ZBTB7C: variants seen among roughly 807,000 people sequenced by gnomAD.
ZBTB7C encodes the protein zinc finger and BTB domain containing 7C, also known as zinc finger and BTB domain-containing protein 7C.
Under a neutral mutation model 25.7 loss-of-function variants are expected in ZBTB7C, and 8 were observed. The ratio of observed to expected loss-of-function variants is 0.31; its 90% CI spans 0.18 to 0.56. ZBTB7C has a LOEUF of 0.56. Ranked by LOEUF, ZBTB7C falls within the 20% of genes least tolerant of loss-of-function variation. ZBTB7C has a pLI of 0.91. For missense variants in ZBTB7C, 824 were observed against 855.2 expected (o/e 0.96, Z 0.46); for synonymous variants, 394 against 369.0 (o/e 1.07, Z -0.78).
At chr18:48,196,529 A>G (rs1380508775) in intron 2 of ZBTB7C, among the ~76,000 whole-genome samples, 1 of 152,032 alleles carries the variant, frequency 6.6e-6, no homozygotes, top group African/African-American at 2.4e-5. Context: ...CTCTCAATCA[A>G]ACCACCCTCC....
At chr18:48,326,128 C>T (rs144394150) in intron 2 of ZBTB7C, among the ~76,000 whole-genome samples, 204 of 128,494 alleles carry the variant, frequency 1.6e-3, no homozygotes, top group African/African-American at 5.7e-3. Context: ...TGGAGTCTTG[C>T]TCTGTCACCA....
At chr18:48,270,664 T>C (rs1451910504) in intron 2 of ZBTB7C, among the ~76,000 whole-genome samples, 2 of 143,924 alleles carry the variant, frequency 1.4e-5, no homozygotes, top group African/African-American at 5.2e-5. Flanking sequence ...CACTCCAGCC[T>C]GGGCCACAGA....
chr18:48,163,751 G>GTGCT (rs1435577693), intron 3 of ZBTB7C, among the ~76,000 whole-genome samples: 2 of 152,228 alleles, frequency 1.3e-5, no homozygotes, highest in African/African-American at 4.8e-5. Flanking sequence ...AAAAAAACCA[G>GTGCT]TAAGCTAGTG....
At chr18:48,265,710 C>T (rs1317562470) in intron 2 of ZBTB7C, among the ~76,000 whole-genome samples, 1 of 152,174 alleles carries the variant, frequency 6.6e-6, no homozygotes, top group African/African-American at 2.4e-5. Flanking sequence ...ATCAGACAAA[C>T]CCTAAATGAG....
intron 2 of ZBTB7C, among the ~76,000 whole-genome samples, chr18:48,256,528 AT>A (rs1157514996): frequency 6.6e-6 from 1 of 151,692 alleles, no homozygotes; most frequent in Admixed American, 6.6e-5. Flanking sequence ...GTTAAAGGAC[AT>A]TCTTCAAGCA....
chr18:48,403,691 T>C (rs1212170259), intron 1 of ZBTB7C, among the ~76,000 whole-genome samples: 1 of 152,060 alleles, frequency 6.6e-6, no homozygotes, highest in Non-Finnish European at 1.5e-5. Flanking sequence ...GAATCAAGAT[T>C]ATATCCAATA....
Position 48,137,280 on chromosome 18 carries a change from G to A in ZBTB7C, c.-17+48654C>T, listed in dbSNP as rs545129549. The A allele has an allele frequency of 1.8e-5, 18 of 985,470 alleles. No individual in the cohort carries two copies. The African/African-American group carries it at 3.0e-4, about 16-fold the overall frequency. The allele number at this position is 985,470 out of a possible 1,614,324, so 61.0% of individuals were successfully genotyped here. ...AGGACAGGACGATCTCACCACTCGC[G>A]CGTTACGCTTCACTTTATGACACCA... On this transcript the variant is annotated intron_variant, in intron 3 of 4. Transcript: ENST00000590800.
intron 2 of ZBTB7C, among the ~76,000 whole-genome samples, chr18:48,311,222 C>A (rs900228245): frequency 1.3e-5 from 2 of 152,206 alleles, no homozygotes; most frequent in South Asian, 2.1e-4. Context: ...TTTCTCACCC[C>A]CTGCCTGCCC....
Position 48,028,870 on chromosome 18 carries a change from T to G in ZBTB7C, c.*390A>C. The G allele has an allele frequency of 4.4e-6, 1 of 225,020 alleles. No homozygotes were observed. Among genetic ancestry groups the G allele is most frequent in the South Asian group, 8.0e-5 (1 of 12,578 alleles). 13.9% of individuals were successfully genotyped at this position (225,020 alleles called of 1,614,324 possible). A position where few individuals can be genotyped will look rare whatever the true frequency, so the allele number is the denominator to read the frequency against. ...GGGGGTGGGGCTTAACCAAGGTGCA[T>G]GCCCAGCCCCTACCTCCTCCTGCTG... On this transcript the variant is annotated 3_prime_UTR_variant, in exon 5 of 5. Transcript: ENST00000590800.
At chr18:48,192,876 G>C (rs1041912715) in intron 2 of ZBTB7C, among the ~76,000 whole-genome samples, 2 of 152,202 alleles carry the variant, frequency 1.3e-5, no homozygotes, top group African/African-American at 4.8e-5. Flanking sequence ...GGAGGGTATT[G>C]CAAAGGGATG....
intron 2 of ZBTB7C, among the ~76,000 whole-genome samples, chr18:48,228,664 A>C (rs1397448320): frequency 1.3e-5 from 2 of 151,796 alleles, no homozygotes; most frequent in Non-Finnish European, 2.9e-5. Context: ...GCATGCCAGG[A>C]GTCAGGAGGC....
intron 1 of ZBTB7C, among the ~76,000 whole-genome samples, chr18:48,382,924 A>T (rs570910707): frequency 6.6e-6 from 1 of 152,242 alleles, no homozygotes. Context: ...CTGCAACTTG[A>T]AAAGTGTAAA....
At chr18:48,180,109 T>TC (rs1197959183) in intron 3 of ZBTB7C, among the ~76,000 whole-genome samples, 25 of 97,844 alleles carry the variant, frequency 2.6e-4, no homozygotes, top group Non-Finnish European at 4.7e-4. Flanking sequence ...TTTCCTTCCT[T>TC]CCTTTCCTTC....
At chr18:48,405,960 T>A (rs758460201) in intron 1 of ZBTB7C, among the ~76,000 whole-genome samples, 1 of 152,066 alleles carries the variant, frequency 6.6e-6, no homozygotes, top group Non-Finnish European at 1.5e-5. Flanking sequence ...CAGGCTGGGG[T>A]TCACTCCAGT....
chr18:48,276,274 C>CTT (rs555046633), intron 2 of ZBTB7C, among the ~76,000 whole-genome samples: 8 of 140,262 alleles, frequency 5.7e-5, no homozygotes, highest in Non-Finnish European at 6.2e-5. Flanking sequence ...AGCTTTCTCT[C>CTT]TTTTTTTTTT....
chr18:48,041,878 A>ATTGTTTGT (rs141890400), intron 3 of ZBTB7C, among the ~76,000 whole-genome samples: 6 of 152,134 alleles, frequency 3.9e-5, no homozygotes, highest in South Asian at 4.1e-4. Context: ...ATTCAAGTAC[A>ATTGTTTGT]TTGTTAGTTA....
At chr18:48,168,923 T>C (rs2041366230) in intron 3 of ZBTB7C, among the ~76,000 whole-genome samples, 1 of 152,188 alleles carries the variant, frequency 6.6e-6, no homozygotes, top group Admixed American at 6.5e-5. Flanking sequence ...AGAAGATTTA[T>C]TGGATCAACT....
At chr18:48,259,815 C>A (rs2044120458) in intron 2 of ZBTB7C, among the ~76,000 whole-genome samples, 2 of 152,170 alleles carry the variant, frequency 1.3e-5, no homozygotes, top group Non-Finnish European at 2.9e-5. Flanking sequence ...AATGATATAT[C>A]CCTCCACAAC....
chr18:48,402,075 C>A (rs543823331), intron 1 of ZBTB7C, among the ~76,000 whole-genome samples: 1 of 152,014 alleles, frequency 6.6e-6, no homozygotes, highest in Non-Finnish European at 1.5e-5. Flanking sequence ...ATTCACTGGG[C>A]AAAATAGTTT....
Sources: allele counts gnomAD v4.1 joint callset (sites outside exome capture counted in the v4.1 genomes callset), GRCh38; gene constraint gnomAD v4.1.1; transcripts MANE v1.5; gene names NCBI Gene and HGNC (gene_info 2026-07-23, HGNC 2026-07-21).